Variants in GPHN observed in about 807,000 individuals in gnomAD.
GPHN encodes gephyrin.
In GPHN, 17 loss-of-function variants were observed where a neutral mutation model predicts 95.5. The ratio of observed to expected loss-of-function variants is 0.18; its 90% CI spans 0.12 to 0.27. The LOEUF (loss-of-function observed/expected upper bound fraction) is 0.27. GPHN is among the 10% of genes least tolerant of loss of function. GPHN has a pLI of 1.00. For synonymous variants in GPHN, 320 were observed against 322.5 expected (o/e 0.99, Z 0.08); for missense variants, 660 against 978.1 (o/e 0.67, Z 4.34).
At chr14:67,086,612 A>G (rs1026664445) in intron 11 of GPHN, among the ~76,000 whole-genome samples, 2 of 149,410 alleles carry the variant, frequency 1.3e-5, no homozygotes, top group Non-Finnish European at 3.0e-5. Context: ...AGATTGCGCC[A>G]CTGCACTCCA....
At chr14:67,533,087 G>T in the GPHN span, among the ~76,000 whole-genome samples, 1 of 152,166 alleles carries the variant, frequency 6.6e-6, no homozygotes, top group Non-Finnish European at 1.5e-5. Flanking sequence ...GCCTCTCCGC[G>T]AGCTGCCTGG....
chr14:66,831,521 C>T (rs529743149), intron 4 of GPHN, among the ~76,000 whole-genome samples: 1 of 152,102 alleles, frequency 6.6e-6, no homozygotes, highest in South Asian at 2.1e-4. Context: ...TGAAATAGTT[C>T]CCATGTCATA....
At chr14:66,979,430 CTTA>C (rs2070499153) in intron 9 of GPHN, among the ~76,000 whole-genome samples, 1 of 152,230 alleles carries the variant, frequency 6.6e-6, no homozygotes, top group Admixed American at 6.5e-5. Context: ...TCACATTGCT[CTTA>C]TGTTATAGAG....
chr14:66,581,345 C>CT (rs1274232451), intron 1 of GPHN, among the ~76,000 whole-genome samples: 1 of 151,662 alleles, frequency 6.6e-6, no homozygotes. Context: ...TTAAAATAGT[C>CT]TAACTGTAAG....
chr14:66,611,485 T>TCACA (rs2062781737), intron 1 of GPHN, among the ~76,000 whole-genome samples: 1 of 152,186 alleles, frequency 6.6e-6, no homozygotes, highest in Non-Finnish European at 1.5e-5. Context: ...ATCCTTGCTT[T>TCACA]TGCTTTTATA....
intron 1 of GPHN, among the ~76,000 whole-genome samples, chr14:66,680,665 TAA>T (rs2153394843): frequency 6.6e-6 from 1 of 152,344 alleles, no homozygotes; most frequent in Non-Finnish European, 1.5e-5. Context: ...TTAGCTGACT[TAA>T]GAGATATTAA....
At chr14:67,643,701 A>C in the GPHN span, among the ~76,000 whole-genome samples, 11 of 152,094 alleles carry the variant, frequency 7.2e-5, no homozygotes, top group African/African-American at 2.7e-4. Context: ...TTATCCAAGG[A>C]CTAGAACCAG....
At chr14:66,715,871 A>C (rs1004976614) in intron 2 of GPHN, among the ~76,000 whole-genome samples, 1 of 151,968 alleles carries the variant, frequency 6.6e-6, no homozygotes, top group African/African-American at 2.4e-5. Flanking sequence ...GTTTTCTTAA[A>C]TGTATTGAGG....
At chr14:67,593,936 G>A in the GPHN span, 10 of 1,611,024 alleles carry the variant, frequency 6.2e-6, no homozygotes, top group Non-Finnish European at 8.5e-6. Flanking sequence ...GATGGCAGCA[G>A]AGAGGATCAT....
chr14:67,020,369 T>C (rs1269269539), intron 9 of GPHN, among the ~76,000 whole-genome samples: 1 of 152,186 alleles, frequency 6.6e-6, no homozygotes, highest in Non-Finnish European at 1.5e-5. Flanking sequence ...ATTCTTGTTA[T>C]GACCTAAGCA....
chr14:67,713,942 C>T, the GPHN span, among the ~76,000 whole-genome samples: 1 of 152,044 alleles, frequency 6.6e-6, no homozygotes, highest in Non-Finnish European at 1.5e-5. Context: ...AAGAGGCAAC[C>T]AGATATGCAT....
At chr14:67,321,395 A>C in the GPHN span, 2 of 774,002 alleles carry the variant, frequency 2.6e-6, no homozygotes, top group Non-Finnish European at 2.1e-6. Context: ...CTGATTTGCT[A>C]TCTGAAATCA....
chr14:67,074,515 G>C (rs2076423335), intron 11 of GPHN, among the ~76,000 whole-genome samples: 4 of 152,032 alleles, frequency 2.6e-5, no homozygotes, highest in Admixed American at 2.0e-4. Flanking sequence ...TATTCTCTGA[G>C]ACACAGCAAG....
chr14:67,050,347 T>G (rs2075251082), intron 10 of GPHN, among the ~76,000 whole-genome samples: 1 of 152,222 alleles, frequency 6.6e-6, no homozygotes, highest in Non-Finnish European at 1.5e-5. Flanking sequence ...TACTTTTTGC[T>G]TCCCAATTTT....
intron 17 of GPHN, among the ~76,000 whole-genome samples, chr14:67,124,790 C>T (rs1338389998): frequency 6.8e-6 from 1 of 147,956 alleles, no homozygotes; most frequent in African/African-American, 2.6e-5. Context: ...TATAATTCTG[C>T]CCATTCTCCC....
chr14:66,579,484 C>T (rs1171090304), intron 1 of GPHN, among the ~76,000 whole-genome samples: 1 of 148,538 alleles, frequency 6.7e-6, no homozygotes, highest in East Asian at 2.0e-4. Context: ...TTTAAGGACA[C>T]AAATAGACTG....
At chr14:67,054,839 A>G (rs2075475993) in intron 10 of GPHN, among the ~76,000 whole-genome samples, 1 of 152,110 alleles carries the variant, frequency 6.6e-6, no homozygotes, top group African/African-American at 2.4e-5. Flanking sequence ...GACAAAAGCA[A>G]TGGGGAAAGG....
At chr14:66,774,187 A>G (rs1444820257) in intron 2 of GPHN, among the ~76,000 whole-genome samples, 1 of 151,516 alleles carries the variant, frequency 6.6e-6, no homozygotes, top group Non-Finnish European at 1.5e-5. Flanking sequence ...TATTTTTAGT[A>G]GAGATAGGGT....
At chr14:67,616,906 ACT>A in the GPHN span, 1 of 151,692 alleles carries the variant, frequency 6.6e-6, no homozygotes, top group Admixed American at 6.6e-5. Flanking sequence ...TGGGGTCCTC[ACT>A]CTGTCACCCA....
Sources: allele counts gnomAD v4.1 joint callset (sites outside exome capture counted in the v4.1 genomes callset), GRCh38; gene constraint gnomAD v4.1.1; transcripts MANE v1.5; gene names NCBI Gene and HGNC (gene_info 2026-07-23, HGNC 2026-07-21).